Variants in ZNRF1 observed in about 807,000 individuals in gnomAD.
ZNRF1 encodes the protein E3 ubiquitin-protein ligase ZNRF1.
ZNRF1 carries 3 observed loss-of-function variants against 18.4 expected under a neutral mutation model. The ratio of observed to expected loss-of-function variants is 0.16; its 90% CI spans 0.07 to 0.42. The LOEUF (loss-of-function observed/expected upper bound fraction) is 0.42. Among genes scored for constraint, ZNRF1 ranks in the 10% least tolerant of loss-of-function variants. ZNRF1 has a pLI of 0.99. For synonymous variants in ZNRF1, 157 were observed against 144.2 expected, an observed-to-expected ratio of 1.09 and a Z score of -0.64; for missense variants, 310 against 329.8, an observed-to-expected ratio of 0.94 and a Z score of 0.47.
intron 1 of ZNRF1, among the ~76,000 whole-genome samples, chr16:75,016,212 C>T (rs564866034): frequency 5.3e-5 from 8 of 150,868 alleles, no homozygotes; most frequent in East Asian, 2.0e-4. Context: ...CATGAGCCAC[C>T]GCGCCCGGCC....
chr16:75,085,091 G>T (rs573020948), intron 1 of ZNRF1, among the ~76,000 whole-genome samples: 1 of 151,974 alleles, frequency 6.6e-6, no homozygotes, highest in Non-Finnish European at 1.5e-5. Flanking sequence ...TGTATATTTG[G>T]TGGATTTTGA....
chr16:75,005,843 G>A (rs558099867), intron 1 of ZNRF1, among the ~76,000 whole-genome samples: 9 of 152,006 alleles, frequency 5.9e-5, no homozygotes, highest in Non-Finnish European at 1.3e-4. Flanking sequence ...TTAATGACAG[G>A]GATACTTTCT....
intron 1 of ZNRF1, among the ~76,000 whole-genome samples, chr16:75,059,527 G>C (rs925757446): frequency 2.0e-5 from 3 of 152,082 alleles, no homozygotes; most frequent in South Asian, 2.1e-4. Context: ...AATCTCAGAT[G>C]CAGTGGGGGT....
intron 1 of ZNRF1, among the ~76,000 whole-genome samples, chr16:75,077,724 G>A (rs2035958954): frequency 6.6e-6 from 1 of 152,172 alleles, no homozygotes; most frequent in South Asian, 2.1e-4. Flanking sequence ...CTGCAGTGCT[G>A]TGCTGCTTCT....
rs115446882 is a variant in ZNRF1, at chr16:75,010,599, T to C, written c.424+10504T>C. ...TGGTGAATCAGACTTGTCATAGGAG[T>C]GCTCCAACTTTCTTGTTGGTAGTAG... is the stretch of plus-strand genomic sequence containing the variant. On this transcript the variant is annotated intron_variant, in intron 1 of 4. Coordinates refer to ENST00000335325, the MANE Select transcript of ZNRF1 (RefSeq NM_032268.5). Among the ~76,000 whole-genome samples, 1,099 of 152,158 alleles carry C rather than the reference T, an allele frequency of 7.2e-3. 12 individuals carry two copies. The highest frequency in any genetic ancestry group is 0.025 in the African/African-American group (1,029 of 41,502).
chr16:75,063,897 G>A (rs919745590), intron 1 of ZNRF1, among the ~76,000 whole-genome samples: 4 of 152,224 alleles, frequency 2.6e-5, no homozygotes, highest in African/African-American at 7.2e-5. Context: ...CCCCCCTCAT[G>A]CTAGGTGGCA....
intron 1 of ZNRF1, among the ~76,000 whole-genome samples, chr16:75,041,105 C>T (rs963526067): frequency 1.3e-5 from 2 of 152,070 alleles, no homozygotes; most frequent in African/African-American, 2.4e-5. Context: ...CATTCATGTT[C>T]GTGATTTTAT....
rs563478695 is a variant in ZNRF1, at chr16:75,101,616, C to A, written c.521-3168C>A. Among the ~76,000 whole-genome samples the A allele has an allele frequency of 2.8e-4, 43 of 152,164 alleles. 1 individual carries two copies. The highest frequency in any genetic ancestry group is 8.8e-5 in the Non-Finnish European group (6 of 68,024). ...CCTGGAGTCTGCAGTGTACTAGACC[C>A]GTTTATCCATCCACCAACCCATCTT... On this transcript the variant is annotated intron_variant, in intron 2 of 4. Transcript: ENST00000335325.
intron 1 of ZNRF1, among the ~76,000 whole-genome samples, chr16:75,019,042 T>G (rs1351682026): frequency 6.6e-6 from 1 of 152,136 alleles, no homozygotes; most frequent in Admixed American, 6.6e-5. Flanking sequence ...GGCGCGTGAC[T>G]GTAATCCCAG....
intron 1 of ZNRF1, among the ~76,000 whole-genome samples, chr16:75,065,559 C>A (rs952241925): frequency 1.6e-4 from 24 of 152,128 alleles, no homozygotes; most frequent in African/African-American, 5.6e-4. Context: ...CAAAATGAAA[C>A]AATATAGAAA....
intron 2 of ZNRF1, chr16:75,104,486 T>G (rs781567307): frequency 4.7e-5 from 12 of 254,148 alleles, no homozygotes; most frequent in Non-Finnish European, 7.7e-5. Flanking sequence ...ATGCTGCCCC[T>G]GCTTCCTGTC....
rs111350449 is a variant in ZNRF1 at position 75,083,517 on chromosome 16, C to G, written c.425-10055C>G. 9.2e-3 allele frequency among the ~76,000 whole-genome samples: 1,394 copies of G among 152,214 alleles called. 29 individuals carry two copies. The highest frequency in any genetic ancestry group is 0.031 in the African/African-American group (1,306 of 41,526). ...AAATGAAGATCACTACTAAGAGGAT[C>G]TTTATAGTTGGTAAAAATTGAGAAT... On this transcript the variant is annotated intron_variant, in intron 1 of 4. Coordinates refer to ENST00000335325, the MANE Select transcript of ZNRF1 (RefSeq NM_032268.5).
At chr16:75,101,557 G>C (rs906680072) in intron 2 of ZNRF1, among the ~76,000 whole-genome samples, 3 of 151,972 alleles carry the variant, frequency 2.0e-5, no homozygotes, top group African/African-American at 7.3e-5. Context: ...AAAAAAAAGA[G>C]AGAGAACGCC....
At chr16:75,038,681 T>A (rs551203892) in intron 1 of ZNRF1, among the ~76,000 whole-genome samples, 1 of 152,302 alleles carries the variant, frequency 6.6e-6, no homozygotes, top group South Asian at 2.1e-4. Context: ...AATAAGAATC[T>A]CTGAAGAAAC....
At chr16:75,052,830 T>C (rs1333548483) in intron 1 of ZNRF1, among the ~76,000 whole-genome samples, 1 of 152,258 alleles carries the variant, frequency 6.6e-6, no homozygotes, top group African/African-American at 2.4e-5. Flanking sequence ...ACTGTTGTGA[T>C]GCATTTCACA....
chr16:75,104,221 T>G (rs138853337), intron 2 of ZNRF1: 2 of 152,566 alleles, frequency 1.3e-5, no homozygotes, highest in East Asian at 3.9e-4. Context: ...TTAGTAATAT[T>G]CCATTGTGTG....
chr16:75,042,421 G>C (rs1485414765), intron 1 of ZNRF1, among the ~76,000 whole-genome samples: 2 of 149,920 alleles, frequency 1.3e-5, no homozygotes, highest in Non-Finnish European at 3.0e-5. Flanking sequence ...TATGGTATGA[G>C]GGAGGGAGTG....
chr16:75,085,814 G>GAGAGAGAC (rs1382893019), intron 1 of ZNRF1, among the ~76,000 whole-genome samples: 1 of 147,738 alleles, frequency 6.8e-6, no homozygotes, highest in Non-Finnish European at 1.5e-5. Context: ...GAGAGAGAGA[G>GAGAGAGAC]AGAGTGAGTG....
chr16:75,077,720 T>C (rs1396478047), intron 1 of ZNRF1, among the ~76,000 whole-genome samples: 1 of 152,214 alleles, frequency 6.6e-6, no homozygotes. Context: ...GTGTCTGCAG[T>C]GCTGTGCTGC....
Sources: allele counts gnomAD v4.1 joint callset (sites outside exome capture counted in the v4.1 genomes callset), GRCh38; gene constraint gnomAD v4.1.1; transcripts MANE v1.5; gene names NCBI Gene and HGNC (gene_info 2026-07-23, HGNC 2026-07-21).